Variants in GABRA3 observed in about 807,000 individuals in gnomAD.
GABRA3 encodes the protein gamma-aminobutyric acid type A receptor subunit alpha3.
A neutral mutation model predicts 30.1 loss-of-function variants in GABRA3; 10 were observed. The observed-to-expected ratio is 0.33, with a 90% CI of 0.20 to 0.56. The LOEUF (loss-of-function observed/expected upper bound fraction) is 0.56. GABRA3 is among the 20% of genes least tolerant of loss of function. The probability of loss-of-function intolerance (pLI) is 0.89; values close to 1 mark genes in which losing one functional copy is unlikely to be tolerated. For synonymous variants in GABRA3, 151 were observed against 146.8 expected (o/e 1.03, Z -0.21); for missense variants, 233 against 392.0 (o/e 0.59, Z 3.42).
intron 4 of GABRA3, among the ~76,000 whole-genome samples, chrX:152,261,929 G>T (rs1368288909): frequency 1.8e-5 from 2 of 112,655 alleles, no homozygotes; most frequent in African/African-American, 6.4e-5. Flanking sequence ...GCAAACTTTT[G>T]CCTGGACATC....
intron 4 of GABRA3, among the ~76,000 whole-genome samples, chrX:152,272,815 T>C (rs1310242195): frequency 9.0e-6 from 1 of 111,225 alleles, no homozygotes; most frequent in African/African-American, 3.3e-5. Context: ...CTCATGAGAT[T>C]TGATGGTTTT....
At chrX:152,209,776 A>G (rs1937613105) in intron 6 of GABRA3, among the ~76,000 whole-genome samples, 1 of 112,561 alleles carries the variant, frequency 8.9e-6, no homozygotes, top group South Asian at 3.6e-4. Context: ...CATGCTAAAA[A>G]TTTCTCCAAT....
intron 3 of GABRA3, 59 bp downstream of exon 3, chrX:152,345,522 G>A: frequency 8.7e-7 from 1 of 1,152,726 alleles, no homozygotes; most frequent in Non-Finnish European, 1.2e-6. Flanking sequence ...ACTGTTTTTA[G>A]ATAACAATGG....
chrX:152,364,763 T>G (rs111648861), intron 1 of GABRA3, among the ~76,000 whole-genome samples, 167 bp from the exon 2 acceptor site: 2 of 111,367 alleles, frequency 1.8e-5, no homozygotes, highest in African/African-American at 6.5e-5. Context: ...CAGTCCCCTT[T>G]TCCCAGCTTG....
rs1254638598 is a variant in GABRA3 at position 152,301,683 on chromosome X, G to A, written c.263-16948C>T. On this transcript the variant is annotated intron_variant, in intron 3 of 9. Transcript: ENST00000370314. ...TGAGTAGCTGGGATTACAGGCACCT[G>A]CCACAATGCCTGGCTAATTTTTTGC... Among the ~76,000 whole-genome samples, 3 of 110,455 alleles carry A rather than the reference G, an allele frequency of 2.7e-5. No individual in the cohort carries two copies. The East Asian group carries it at 8.6e-4, about 32-fold the overall frequency.
At chrX:152,257,142 G>C (rs978347383) in intron 4 of GABRA3, among the ~76,000 whole-genome samples, 1 of 111,884 alleles carries the variant, frequency 8.9e-6, no homozygotes, top group Non-Finnish European at 1.9e-5. Context: ...AATGAGCTGG[G>C]TGATGTTTGT....
chrX:152,183,103 T>A (rs2124340145), intron 9 of GABRA3, among the ~76,000 whole-genome samples: 1 of 109,283 alleles, frequency 9.2e-6, no homozygotes, highest in East Asian at 2.9e-4. Context: ...TATTCCCTTT[T>A]CAATTTTTTG....
intron 4 of GABRA3, among the ~76,000 whole-genome samples, chrX:152,278,183 T>A (rs1375739638): frequency 9.0e-6 from 1 of 111,052 alleles, no homozygotes; most frequent in Non-Finnish European, 1.9e-5. Context: ...TATGTATACA[T>A]GTGCCATGTT....
In GABRA3 at chrX:152,416,559, C is replaced by T. The variant is rs1251711961; in HGVS notation, c.-27+34587G>A. Among the ~76,000 whole-genome samples the T allele has an allele frequency of 3.3e-3, 365 of 110,153 alleles. 1 individual carries two copies. The highest frequency in any genetic ancestry group is 4.6e-3 in the Middle Eastern group (1 of 216). ...TATGGAACCAAAAAAGAGCCCGCAT[C>T]GCCAAGTCAATCCTAAGCCAAAAGA... On this transcript the variant is annotated intron_variant, in intron 1 of 9. Coordinates refer to ENST00000370314, the MANE Select transcript of GABRA3 (RefSeq NM_000808.4).
chrX:152,250,448 T>C (rs1938533160), intron 5 of GABRA3: 1 of 111,490 alleles, frequency 9.0e-6, no homozygotes, highest in South Asian at 3.7e-4. Flanking sequence ...AGATAGTCAA[T>C]AGGACTTTTT....
At chrX:152,400,981 G>A (rs1366809740) in intron 1 of GABRA3, among the ~76,000 whole-genome samples, 1 of 111,301 alleles carries the variant, frequency 9.0e-6, no homozygotes, top group African/African-American at 3.3e-5. Context: ...TCAACAACCT[G>A]AGTGAGCTTG....
Position 152,400,337 on chromosome X carries a change from G to GATAA in GABRA3, c.-26-35745_-26-35742dup, listed in dbSNP as rs769543980. On this transcript the variant is annotated intron_variant, in intron 1 of 9. Transcript: ENST00000370314. Reference sequence around the variant, plus strand: ...AAAAGATCCCATCTGTACATAAATAGATAAATAAATAAATAAATAAAATTA... The same window carrying GATAA: ...AAAAGATCCCATCTGTACATAAATAGATAAATAAATAAATAAATAAATAAAATTA... Among the ~76,000 whole-genome samples, 13 of 108,320 alleles carry GATAA rather than the reference G, an allele frequency of 1.2e-4. 1 individual carries two copies. In the East Asian group the frequency reaches 1.5e-3, roughly 12 times the overall value. The allele number at this position is 108,320 out of a possible 115,157, so 94.1% of individuals were successfully genotyped here. A position where few individuals can be genotyped will look rare whatever the true frequency, so the allele number is the denominator to read the frequency against.
chrX:152,423,749 T>C (rs956519286), intron 1 of GABRA3, among the ~76,000 whole-genome samples: 1 of 111,052 alleles, frequency 9.0e-6, no homozygotes, highest in African/African-American at 3.3e-5. Flanking sequence ...CTAATATGAA[T>C]CAGTAATTAA....
intron 7 of GABRA3, among the ~76,000 whole-genome samples, chrX:152,202,015 A>C (rs1392219762): frequency 8.9e-6 from 1 of 112,553 alleles, no homozygotes; most frequent in Non-Finnish European, 1.9e-5. Flanking sequence ...TTAGAAAATT[A>C]ATGTAATAAT....
At chrX:152,422,157 C>T (rs1354694606) in intron 1 of GABRA3, among the ~76,000 whole-genome samples, 2 of 111,157 alleles carry the variant, frequency 1.8e-5, no homozygotes, top group Non-Finnish European at 3.8e-5. Context: ...AAATGTCCAT[C>T]AACAGTAGGA....
chrX:152,422,988 T>C (rs1328491467), intron 1 of GABRA3, among the ~76,000 whole-genome samples: 1 of 112,095 alleles, frequency 8.9e-6, no homozygotes, highest in Non-Finnish European at 1.9e-5. Context: ...AATATGTACA[T>C]TTTTCATTTG....
intron 4 of GABRA3, among the ~76,000 whole-genome samples, chrX:152,264,240 C>A (rs1297239195): frequency 9.0e-6 from 1 of 111,628 alleles, no homozygotes; most frequent in African/African-American, 3.3e-5. Flanking sequence ...TAGAAAGATT[C>A]AATCATGTAC....
chrX:152,239,233 G>A (rs1234606441), intron 5 of GABRA3, among the ~76,000 whole-genome samples: 1 of 102,241 alleles, frequency 9.8e-6, no homozygotes, highest in Non-Finnish European at 2.0e-5. Context: ...CTTTATTTCT[G>A]CCTTCATTTC....
intron 1 of GABRA3, among the ~76,000 whole-genome samples, chrX:152,424,928 C>CTTGTTTTTTTTTTTTTTTTTTTT (rs1930475916): frequency 2.4e-5 from 1 of 42,358 alleles, no homozygotes; most frequent in Non-Finnish European, 3.8e-5. Context: ...TTTTTCTTTT[C>CTTGTTTTTTTTTTTTTTTTTTTT]TTTTTTTTTT....
Sources: gnomAD v4.1 joint callset for allele counts (sites outside exome capture counted in the v4.1 genomes callset) on GRCh38, gnomAD v4.1.1 for gene constraint, MANE v1.5 for transcripts, NCBI Gene and HGNC (gene_info 2026-07-23, HGNC 2026-07-21) for gene names.